The following DYM variants were observed in gnomAD, a reference collection of about 807,000 sequenced individuals.
The protein encoded by DYM is dyggve-Melchior-Clausen syndrome protein.
A neutral mutation model predicts 93.1 loss-of-function variants in DYM; 78 were observed. The observed-to-expected ratio is 0.84, with a 90% CI of 0.70 to 1.01. The LOEUF is 1.01. Ranked by LOEUF, DYM falls within the 50% of genes least tolerant of loss-of-function variation. DYM has a pLI of 0.00. For missense variants in DYM, 789 were observed against 845.0 expected (o/e 0.93, Z 0.82); for synonymous variants, 321 against 319.7 (o/e 1.00, Z -0.04).
At chr18:49,337,733 C>G (rs918567605) in intron 6 of DYM, among the ~76,000 whole-genome samples, 1 of 152,052 alleles carries the variant, frequency 6.6e-6, no homozygotes, top group Non-Finnish European at 1.5e-5. Flanking sequence ...TCCGGCAAAT[C>G]CCATGAAAGA....
chr18:49,361,688 T>C (rs1353055435), intron 6 of DYM, among the ~76,000 whole-genome samples: 1 of 152,088 alleles, frequency 6.6e-6, no homozygotes, highest in African/African-American at 2.4e-5. Context: ...CAAACAAGGC[T>C]TCTCAGGGGG....
rs551936744 is a variant in DYM at position 49,054,293 on chromosome 18, G to A, written c.2026-10089C>T. Among the ~76,000 whole-genome samples, 378 of 152,292 alleles carry A rather than the reference G, an allele frequency of 2.5e-3. 1 individual carries two copies. Among genetic ancestry groups the A allele is most frequent in the African/African-American group, 8.8e-3 (365 of 41,552 alleles). On this transcript the variant is annotated intron_variant, in intron 17 of 17. Coordinates refer to ENST00000675505, the MANE Select transcript of DYM (RefSeq NM_001353214.3). ...GTCTTGCTGTGTCACCCAAGCTGGA[G>A]TGCAGTGGTGCGATCTCGGCTCACT...
intron 8 of DYM, among the ~76,000 whole-genome samples, chr18:49,321,656 C>G (rs1254691156): frequency 6.6e-6 from 1 of 151,950 alleles, no homozygotes; most frequent in African/African-American, 2.4e-5. Flanking sequence ...AACACTATTC[C>G]AAATCATCAA....
chr18:49,175,032 C>A (rs1322591073), intron 14 of DYM, among the ~76,000 whole-genome samples: 1 of 152,068 alleles, frequency 6.6e-6, no homozygotes, highest in Admixed American at 6.6e-5. Context: ...TAGTAACTTC[C>A]CAAGCTTTTT....
intron 16 of DYM, among the ~76,000 whole-genome samples, chr18:49,098,018 A>G (rs2079740779): frequency 6.6e-6 from 1 of 152,176 alleles, no homozygotes; most frequent in Non-Finnish European, 1.5e-5. Flanking sequence ...ACCAGGGATA[A>G]CAAATAGCAA....
intron 14 of DYM, among the ~76,000 whole-genome samples, chr18:49,204,204 TCA>T (rs1219843459): frequency 6.6e-6 from 1 of 152,242 alleles, no homozygotes; most frequent in Non-Finnish European, 1.5e-5. Context: ...GTCAAGGACT[TCA>T]GTGTTAACAT....
intron 14 of DYM, among the ~76,000 whole-genome samples, chr18:49,177,161 T>G (rs911631192): frequency 6.6e-6 from 1 of 152,150 alleles, no homozygotes; most frequent in African/African-American, 2.4e-5. Flanking sequence ...AAAATTCATT[T>G]GGAAAGTGGA....
At chr18:49,090,013 G>C (rs1255199491) in intron 17 of DYM, among the ~76,000 whole-genome samples, 1 of 152,212 alleles carries the variant, frequency 6.6e-6, no homozygotes, top group Non-Finnish European at 1.5e-5. Context: ...ATGTGTGTGT[G>C]TGTGCACGTG....
At chr18:49,360,632 G>GA (rs887212061) in intron 6 of DYM, among the ~76,000 whole-genome samples, 10 of 149,890 alleles carry the variant, frequency 6.7e-5, no homozygotes, top group African/African-American at 2.2e-4. Context: ...AAAAAAAAAA[G>GA]AAAAAAAATT....
At chr18:49,200,648 A>G (rs1376349893) in intron 14 of DYM, among the ~76,000 whole-genome samples, 3 of 152,080 alleles carry the variant, frequency 2.0e-5, no homozygotes, top group Non-Finnish European at 4.4e-5. Context: ...CCCTTAAGAT[A>G]AATTCCAATA....
intron 15 of DYM, among the ~76,000 whole-genome samples, chr18:49,148,178 C>T (rs528898010): frequency 3.4e-4 from 52 of 152,186 alleles, no homozygotes; most frequent in African/African-American, 1.2e-3. Flanking sequence ...GAACATCACA[C>T]ACCGGGGCCT....
At chr18:49,343,684 GCACAGTGAGAAATTAATACTATTTTAC>G (rs1414057397) in intron 6 of DYM, among the ~76,000 whole-genome samples, 1 of 152,076 alleles carries the variant, frequency 6.6e-6, no homozygotes, top group Non-Finnish European at 1.5e-5. Context: ...ATGCTCACAG[GCACAGTGAGAAATTAATACTATTTTAC>G]CAAAACCAAG....
chr18:49,297,026 G>T (rs537778686), intron 8 of DYM, among the ~76,000 whole-genome samples: 1 of 152,258 alleles, frequency 6.6e-6, no homozygotes, highest in Admixed American at 6.5e-5. Flanking sequence ...CTTACTGAAG[G>T]ATGTTTTTAA....
At chr18:49,418,170 A>C (rs958850968) in intron 2 of DYM, 1 of 152,166 alleles carries the variant, frequency 6.6e-6, no homozygotes, top group Admixed American at 6.5e-5. Context: ...TTTGATACTC[A>C]GAGATAAGTC....
At chr18:49,045,347 C>T (rs2071340087) in intron 17 of DYM, among the ~76,000 whole-genome samples, 1 of 152,212 alleles carries the variant, frequency 6.6e-6, no homozygotes, top group South Asian at 2.1e-4. Context: ...GGATATTAGC[C>T]AGGCACTTAA....
intron 14 of DYM, among the ~76,000 whole-genome samples, chr18:49,174,944 A>C (rs2089216992): frequency 6.6e-6 from 1 of 152,194 alleles, no homozygotes; most frequent in South Asian, 2.1e-4. Flanking sequence ...TAACAGAAAA[A>C]AACATCAAAG....
intron 17 of DYM, among the ~76,000 whole-genome samples, chr18:49,062,936 C>T (rs926032788): frequency 1.3e-5 from 2 of 152,142 alleles, no homozygotes; most frequent in African/African-American, 4.8e-5. Flanking sequence ...TGAGGCAATA[C>T]CCCTTAATCT....
chr18:49,084,937 T>A (rs1227301777), intron 17 of DYM, among the ~76,000 whole-genome samples: 6 of 152,164 alleles, frequency 3.9e-5, no homozygotes, highest in Non-Finnish European at 2.9e-5. Flanking sequence ...CCAGAGGGTA[T>A]ATTGGGACTT....
At chr18:49,420,420 C>T (rs576684192) in intron 2 of DYM, among the ~76,000 whole-genome samples, 6 of 152,106 alleles carry the variant, frequency 3.9e-5, no homozygotes, top group Non-Finnish European at 5.9e-5. Flanking sequence ...CCACCTGCCT[C>T]GGTCTCCCAA....
Sources: gnomAD v4.1 joint callset for allele counts (sites outside exome capture counted in the v4.1 genomes callset) on GRCh38, gnomAD v4.1.1 for gene constraint, MANE v1.5 for transcripts, NCBI Gene and HGNC (gene_info 2026-07-23, HGNC 2026-07-21) for gene names.